Variants in GAB1 observed in about 807,000 individuals in gnomAD.
GAB1 encodes the protein GRB2-associated-binding protein 1.
A neutral mutation model predicts 66.5 loss-of-function variants in GAB1; 19 were observed. The ratio of observed to expected loss-of-function variants is 0.29; its 90% CI spans 0.20 to 0.42. The LOEUF is 0.42. Among genes scored for constraint, GAB1 ranks in the 10% least tolerant of loss-of-function variants. The probability of loss-of-function intolerance (pLI) is 1.00; values close to 1 mark genes in which losing one functional copy is unlikely to be tolerated. For missense variants in GAB1, 732 were observed against 858.5 expected, an observed-to-expected ratio of 0.85 and a Z score of 1.84; for synonymous variants, 294 against 301.4, an observed-to-expected ratio of 0.98 and a Z score of 0.25.
At chr4:143,425,299 A>G (rs1385103704) in intron 2 of GAB1, 2 of 859,404 alleles carry the variant, frequency 2.3e-6, no homozygotes, top group African/African-American at 1.6e-5. Flanking sequence ...AATACTGGCC[A>G]GAGAGCCATG....
chr4:143,416,372 C>T (rs1168500695), intron 2 of GAB1, among the ~76,000 whole-genome samples: 1 of 152,162 alleles, frequency 6.6e-6, no homozygotes, highest in African/African-American at 2.4e-5. Flanking sequence ...CGCGCCACTG[C>T]ACTCCAGCCT....
intron 2 of GAB1, among the ~76,000 whole-genome samples, chr4:143,419,429 T>G (rs1488819738): frequency 1.4e-4 from 21 of 152,146 alleles, no homozygotes; most frequent in Admixed American, 1.4e-3. Context: ...TCCCAATTCC[T>G]TACAAAATAG....
intron 1 of GAB1, among the ~76,000 whole-genome samples, chr4:143,370,489 A>G (rs1401673527): frequency 6.6e-6 from 1 of 152,188 alleles, no homozygotes; most frequent in Non-Finnish European, 1.5e-5. Flanking sequence ...GTTAAGTGGA[A>G]ACAGTCCTGT....
chr4:143,337,364 A>T, intron 1 of GAB1, 104 bp downstream of exon 1: 2 of 947,804 alleles, frequency 2.1e-6, no homozygotes, highest in Non-Finnish European at 3.3e-6. Flanking sequence ...CTGGTTCTTA[A>T]ACGAATGCCG....
intron 2 of GAB1, chr4:143,426,143 C>G (rs1733343104): frequency 2.4e-6 from 1 of 410,608 alleles, no homozygotes; most frequent in Non-Finnish European, 4.3e-6. Flanking sequence ...AGGCCAGATT[C>G]TCTAACAGAA....
At chr4:143,468,269 C>T (rs1256377919) in intron 9 of GAB1, among the ~76,000 whole-genome samples, 1 of 130,474 alleles carries the variant, frequency 7.7e-6, no homozygotes, top group Non-Finnish European at 1.5e-5. Flanking sequence ...GGCTGCAGTG[C>T]AGTGGCACGA....
At chr4:143,419,994 C>T (rs577330228) in intron 2 of GAB1, among the ~76,000 whole-genome samples, 247 of 152,222 alleles carry the variant, frequency 1.6e-3, no homozygotes, top group Non-Finnish European at 3.1e-3. Context: ...TGCTATTATC[C>T]TTTGTAATCA....
chr4:143,434,798 G>C (rs1578710214), intron 3 of GAB1, among the ~76,000 whole-genome samples: 1 of 152,066 alleles, frequency 6.6e-6, no homozygotes, highest in South Asian at 2.1e-4. Flanking sequence ...AAGCTATAAG[G>C]CATTTTAATT....
intron 1 of GAB1, among the ~76,000 whole-genome samples, chr4:143,340,449 C>T (rs895140142): frequency 2.4e-4 from 37 of 151,942 alleles, no homozygotes; most frequent in East Asian, 1.9e-4. Flanking sequence ...TAGGGTAGTC[C>T]GAACACTGAT....
chr4:143,448,604 G>A (rs1734707533), intron 6 of GAB1, among the ~76,000 whole-genome samples: 1 of 150,842 alleles, frequency 6.6e-6, no homozygotes, highest in Non-Finnish European at 1.5e-5. Flanking sequence ...ATTCTCTGAT[G>A]GTAGTTTGTA....
rs1010683688 is a variant in GAB1 at position 143,465,977 on chromosome 4, G to A, written c.1804-126G>A. ...TACTTATTTTCTTTCTATCCTAAAA[G>A]GTTGTTTAACTTTTTAAGCTATGTC... On this transcript the variant is annotated intron_variant, in intron 8 of 9. Transcript: ENST00000262994. 9.6e-6 allele frequency: 9 copies of A among 940,216 alleles called. No homozygotes were observed. In the African/African-American group the frequency reaches 1.5e-4, roughly 16 times the overall value. 58.2% of individuals were successfully genotyped at this position (940,216 alleles called of 1,614,324 possible). A position where few individuals can be genotyped will look rare whatever the true frequency, so the allele number is the denominator to read the frequency against.
chr4:143,413,513 G>A (rs1370551186), intron 1 of GAB1, among the ~76,000 whole-genome samples: 1 of 152,082 alleles, frequency 6.6e-6, no homozygotes, highest in Admixed American at 6.5e-5. Context: ...GATGATTAAA[G>A]ACCTATATAA....
In GAB1 at chr4:143,374,404, A is replaced by G. The variant is rs144124132; in HGVS notation, c.72+37144A>G. ...TGTTCAACAATTTTTCTTGCTTTTCATGTGCTGCAGAGAAAAGGCTAAATC... is the reference window on the plus strand; with the variant it reads ...TGTTCAACAATTTTTCTTGCTTTTCGTGTGCTGCAGAGAAAAGGCTAAATC... On this transcript the variant is annotated intron_variant, in intron 1 of 9. Transcript: ENST00000262994. 5.9e-5 allele frequency among the ~76,000 whole-genome samples: 9 copies of G among 152,190 alleles called. No homozygotes were observed. In the South Asian group the frequency reaches 1.0e-3, roughly 17 times the overall value.
intron 2 of GAB1, among the ~76,000 whole-genome samples, chr4:143,419,355 G>A (rs139435135): frequency 3.8e-3 from 574 of 152,082 alleles, no homozygotes; most frequent in Non-Finnish European, 6.6e-3. Flanking sequence ...ATTCATAAGC[G>A]CTCTGCTAAA....
intron 1 of GAB1, among the ~76,000 whole-genome samples, chr4:143,346,227 G>T (rs1728988675): frequency 6.6e-6 from 1 of 152,148 alleles, no homozygotes; most frequent in African/African-American, 2.4e-5. Context: ...GTGTTAATTT[G>T]TGTCACTCTT....
intron 2 of GAB1, among the ~76,000 whole-genome samples, chr4:143,420,667 T>A (rs921260418): frequency 6.6e-6 from 1 of 152,100 alleles, no homozygotes; most frequent in African/African-American, 2.4e-5. Flanking sequence ...GGGAAGCAGC[T>A]CACTAACTTC....
intron 5 of GAB1, 32 bp downstream of exon 5, chr4:143,439,919 G>A (rs1553953980): frequency 1.3e-6 from 2 of 1,523,098 alleles, no homozygotes; most frequent in Non-Finnish European, 1.8e-6. Flanking sequence ...ATCATCAAGT[G>A]TATTTCATTG....
In GAB1 at chr4:143,414,043, G is replaced by A. The variant is rs1393006486; in HGVS notation, c.73-1434G>A. On this transcript the variant is annotated intron_variant, in intron 1 of 9. Coordinates refer to ENST00000262994, the MANE Select transcript of GAB1 (RefSeq NM_002039.4). Reference sequence around the variant, plus strand: ...TCACCATGTTGGCCAGGCTGGTCTCGAACTCCTGACCTCAGGTGATCTGCC... The same window carrying A: ...TCACCATGTTGGCCAGGCTGGTCTCAAACTCCTGACCTCAGGTGATCTGCC... Among the ~76,000 whole-genome samples, 5 of 151,676 alleles carry A rather than the reference G, an allele frequency of 3.3e-5. No individual in the cohort carries two copies. In the South Asian group the frequency reaches 6.3e-4, roughly 19 times the overall value.
rs1028326993 is a variant in GAB1 at position 143,473,294 on chromosome 4, A to G, written c.*4105A>G. ...TTTCTGCTACCAAATAAAACTTTTC[A>G]AACAATTTGGTTTCAAGACCTTAAA... is the stretch of plus-strand genomic sequence containing the variant. On this transcript the variant is annotated 3_prime_UTR_variant, in exon 10 of 10. Transcript: ENST00000262994. 2.6e-5 allele frequency: 4 copies of G among 152,174 alleles called. No individual in the cohort carries two copies. The highest frequency in any genetic ancestry group is 4.8e-5 in the African/African-American group (2 of 41,438). 9.4% of individuals were successfully genotyped at this position (152,174 alleles called of 1,614,324 possible).
Sources: allele counts gnomAD v4.1 joint callset (sites outside exome capture counted in the v4.1 genomes callset), GRCh38; gene constraint gnomAD v4.1.1; transcripts MANE v1.5; gene names NCBI Gene and HGNC (gene_info 2026-07-23, HGNC 2026-07-21).